IPO5: variants seen among roughly 807,000 people sequenced by gnomAD.
IPO5 encodes importin-5.
IPO5 carries 18 observed loss-of-function variants against 143.3 expected under a neutral mutation model. The ratio of observed to expected loss-of-function variants is 0.13; its 90% CI spans 0.09 to 0.19. The LOEUF is 0.19. Ranked by LOEUF, IPO5 falls within the 10% of genes least tolerant of loss-of-function variation. The pLI is 1.00. For missense variants in IPO5, 1,013 were observed against 1,336.9 expected, an observed-to-expected ratio of 0.76 and a Z score of 3.78; for synonymous variants, 477 against 465.7, an observed-to-expected ratio of 1.02 and a Z score of -0.31.
rs974052511 is a variant in IPO5, at chr13:97,992,535, G to A, written c.670-357G>A. 4.6e-5 allele frequency among the ~76,000 whole-genome samples: 7 copies of A among 152,254 alleles called. 1 individual carries two copies. The highest frequency in any genetic ancestry group is 6.5e-5 in the Admixed American group (1 of 15,296). ...GATTGTGCCACCACACTCCAGCCTG[G>A]GCGACAGAGCGAGACCTTATCACTG... On this transcript the variant is annotated intron_variant, in intron 9 of 28. Coordinates refer to ENST00000651721, the MANE Select transcript of IPO5 (RefSeq NM_002271.6).
At chr13:98,020,602 T>G (rs1380476260) in intron 27 of IPO5, among the ~76,000 whole-genome samples, 1 of 152,260 alleles carries the variant, frequency 6.6e-6, no homozygotes, top group Non-Finnish European at 1.5e-5. Context: ...TTTTTTCCCA[T>G]TAAACTTGCC....
intron 11 of IPO5, 35 bp downstream of exon 11, chr13:97,993,260 T>C (rs772701104): frequency 5.7e-6 from 9 of 1,585,664 alleles, no homozygotes; most frequent in Non-Finnish European, 7.7e-6. Flanking sequence ...TTATGTGTAT[T>C]GTGGCCAAAT....
chr13:97,976,661 G>C, intron 3 of IPO5, 32 bp from the exon 4 acceptor site: 1 of 1,167,600 alleles, frequency 8.6e-7, no homozygotes, highest in Non-Finnish European at 1.1e-6. Flanking sequence ...CACGGCTCCT[G>C]TCTCCCCTCC....
intron 2 of IPO5, 81 bp from the exon 3 acceptor site, chr13:97,969,642 A>C (rs879805104): frequency 4.0e-5 from 28 of 696,604 alleles, no homozygotes; most frequent in Middle Eastern, 2.3e-4. Flanking sequence ...TATTCTTCAA[A>C]ATCAGATGTG....
intron 16 of IPO5, among the ~76,000 whole-genome samples, chr13:98,005,038 GACGTGC>G (rs1439539107): frequency 1.3e-5 from 2 of 152,008 alleles, no homozygotes; most frequent in African/African-American, 4.8e-5. Flanking sequence ...TGGGATTACA[GACGTGC>G]ACCCACCACA....
At chr13:97,976,821 G>A (rs1680484008) in intron 4 of IPO5, 35 bp downstream of exon 4, 1 of 1,020,830 alleles carries the variant, frequency 9.8e-7, no homozygotes, top group Non-Finnish European at 1.3e-6. Context: ...TTCGCGCCCT[G>A]GCCGGCGCGC....
chr13:97,974,502 C>A (rs1566466550), intron 3 of IPO5, among the ~76,000 whole-genome samples: 1 of 151,686 alleles, frequency 6.6e-6, no homozygotes, highest in Admixed American at 6.6e-5. Flanking sequence ...TAAAGACGGG[C>A]TTTCACCATG....
intron 2 of IPO5, among the ~76,000 whole-genome samples, chr13:97,968,228 G>C (rs1276479003): frequency 1.3e-5 from 2 of 152,176 alleles, no homozygotes; most frequent in Non-Finnish European, 2.9e-5. Context: ...ATTTTATTCT[G>C]TTGTGGTCAG....
intron 13 of IPO5, 43 bp downstream of exon 13, chr13:98,000,688 C>G (rs768566717): frequency 7.9e-7 from 1 of 1,262,404 alleles, no homozygotes; most frequent in Non-Finnish European, 1.2e-6. Flanking sequence ...AAGTTGTGCC[C>G]TTTCTAAAGC....
At chr13:97,973,040 T>C (rs1477602447) in intron 3 of IPO5, among the ~76,000 whole-genome samples, 50 of 770 alleles carry the variant, frequency 0.065, no homozygotes, top group Non-Finnish European at 0.077. Flanking sequence ...TTTATCTTCT[T>C]TTTTTTTTTT....
chr13:98,020,191 GAGCCACCAAACCCAGCCTA>G (rs1409171406), intron 27 of IPO5, among the ~76,000 whole-genome samples: 2 of 152,162 alleles, frequency 1.3e-5, no homozygotes, highest in East Asian at 3.9e-4. Flanking sequence ...TTACAGGCAT[GAGCCACCAAACCCAGCCTA>G]AGGGAATGTT....
At chr13:97,957,297 A>G (rs1884528792) in intron 2 of IPO5, among the ~76,000 whole-genome samples, 1 of 152,014 alleles carries the variant, frequency 6.6e-6, no homozygotes, top group African/African-American at 2.4e-5. Context: ...TCCCAGGTTC[A>G]AGCGATTCTC....
intron 4 of IPO5, chr13:97,980,054 G>A: frequency 2.5e-6 from 1 of 401,182 alleles, no homozygotes; most frequent in Non-Finnish European, 5.0e-6. Context: ...AATTGTATAA[G>A]GTGGAATCAA....
chr13:97,967,671 G>A (rs919520163), intron 2 of IPO5, among the ~76,000 whole-genome samples: 3 of 151,746 alleles, frequency 2.0e-5, no homozygotes, highest in African/African-American at 2.4e-5. Context: ...TCGCTCTGTC[G>A]CCCAGGCTGG....
chr13:97,955,199 A>ATGGT (rs1484677085), intron 2 of IPO5, among the ~76,000 whole-genome samples: 1 of 151,926 alleles, frequency 6.6e-6, no homozygotes, highest in Non-Finnish European at 1.5e-5. Context: ...ACTGCACTCC[A>ATGGT]GCCTGGGTGA....
chr13:98,015,380 C>T (rs1890057274), intron 22 of IPO5, 150 bp from the exon 23 acceptor site: 1 of 597,786 alleles, frequency 1.7e-6, no homozygotes, highest in South Asian at 2.2e-5. Flanking sequence ...AAAATGCTGT[C>T]ATTCTAACAA....
chr13:98,019,981 T>A, intron 27 of IPO5, 172 bp downstream of exon 27: 1 of 536,154 alleles, frequency 1.9e-6, no homozygotes, highest in Non-Finnish European at 3.3e-6. Flanking sequence ...CATATCACAG[T>A]TAACATTGCC....
chr13:97,979,096 C>T (rs886941837), intron 4 of IPO5, among the ~76,000 whole-genome samples: 1 of 152,132 alleles, frequency 6.6e-6, no homozygotes, highest in African/African-American at 2.4e-5. Context: ...ATGCCCCTTT[C>T]TTTTTTGCCT....
At chr13:98,003,111 G>A (rs1594104259) in intron 16 of IPO5, 74 bp downstream of exon 16, 1 of 1,104,354 alleles carries the variant, frequency 9.1e-7, no homozygotes, top group East Asian at 2.4e-5. Flanking sequence ...AAGAACTGGA[G>A]AAAGAGGGAC....
Sources: gnomAD v4.1 joint callset for allele counts (sites outside exome capture counted in the v4.1 genomes callset) on GRCh38, gnomAD v4.1.1 for gene constraint, MANE v1.5 for transcripts, NCBI Gene and HGNC (gene_info 2026-07-23, HGNC 2026-07-21) for gene names.